CACNA1I: variants seen among roughly 807,000 people sequenced by gnomAD.
CACNA1I encodes the protein voltage-dependent T-type calcium channel subunit alpha-1I.
Under a neutral mutation model 201.6 loss-of-function variants are expected in CACNA1I, and 74 were observed. The observed-to-expected ratio is 0.37, with a 90% CI of 0.30 to 0.45. CACNA1I has a LOEUF of 0.45. Ranked by LOEUF, CACNA1I falls within the 20% of genes least tolerant of loss-of-function variation. The pLI is 1.00. For synonymous variants in CACNA1I, 1,431 were observed against 1,345.2 expected, an observed-to-expected ratio of 1.06 and a Z score of -1.40; for missense variants, 2,346 against 3,138.1, an observed-to-expected ratio of 0.75 and a Z score of 6.03.
intron 3 of CACNA1I, among the ~76,000 whole-genome samples, chr22:39,608,450 A>T (rs1204219231): frequency 6.6e-6 from 1 of 152,076 alleles, no homozygotes; most frequent in Admixed American, 6.6e-5. Context: ...AACATTTTTT[A>T]AAAAAGAATT....
At chr22:39,667,787 T>C (rs1392571115) in intron 23 of CACNA1I, among the ~76,000 whole-genome samples, 2 of 152,074 alleles carry the variant, frequency 1.3e-5, no homozygotes, top group African/African-American at 2.4e-5. Context: ...CCAAATCACA[T>C]AGCCAGTGAG....
rs186294767 is a variant in CACNA1I at position 39,585,295 on chromosome 22, T to C, written c.237-12856T>C. On this transcript the variant is annotated intron_variant, in intron 1 of 36. Transcript: ENST00000402142. Reference sequence around the variant, plus strand: ...TCAGGCTGGTCTTGAACTCCTGACCTCAGGTGATCCACCCGCCTTGGCCTC... The same window carrying C: ...TCAGGCTGGTCTTGAACTCCTGACCCCAGGTGATCCACCCGCCTTGGCCTC... Among the ~76,000 whole-genome samples, 856 of 152,068 alleles carry C rather than the reference T, an allele frequency of 5.6e-3. 5 individuals are homozygous for C. The highest frequency in any genetic ancestry group is 9.9e-3 in the Admixed American group (151 of 15,256).
Position 39,661,975 on chromosome 22 carries a change from G to C in CACNA1I, c.2912G>C (p.Arg971Pro). Residue 971 changes from arginine (R) to proline (P), a missense_variant, in exon 17 of 37, where the codon CGG becomes CCG. Transcript: ENST00000402142. ...SYDQRSLSSSRSSYYGPWGRS... is the reference protein window; with the variant it reads ...SYDQRSLSSSPSSYYGPWGRS... ...GGGAACTCCTTCCAGTCCAGCTCCCGGAGCTCCTACTACGGGCCATGGGGC... is the reference window on the plus strand; with the variant it reads ...GGGAACTCCTTCCAGTCCAGCTCCCCGAGCTCCTACTACGGGCCATGGGGC... The C allele has an allele frequency of 6.5e-7, 1 of 1,538,812 alleles. No individual in the cohort carries two copies. Among genetic ancestry groups the C allele is most frequent in the Middle Eastern group, 1.8e-4 (1 of 5,556 alleles).
chr22:39,670,698 T>G (rs2146464168), intron 25 of CACNA1I, 105 bp from the exon 26 acceptor site: 1 of 1,100,172 alleles, frequency 9.1e-7, no homozygotes, highest in South Asian at 1.4e-5. Flanking sequence ...CATCTTCCTC[T>G]TTGCCCCCTC....
Position 39,666,189 on chromosome 22 carries a change from G to A in CACNA1I, c.4104+183G>A, listed in dbSNP as rs969577706. On this transcript the variant is annotated intron_variant, in intron 23 of 36. Transcript: ENST00000402142. The surrounding 1 kb of genome is among the most constrained non-coding windows in gnomAD (Gnocchi z 4.1). ...GCACTCACCTCTCAGGTGGGATGAG[G>A]CTTAGAGAGTCTGTGTGCAGAGTGC... Among the ~76,000 whole-genome samples, 8 of 152,182 alleles carry A rather than the reference G, an allele frequency of 5.3e-5. No individual in the cohort carries two copies. The highest frequency in any genetic ancestry group is 1.9e-4 in the African/African-American group (8 of 41,440).
chr22:39,669,063 T>C (rs1253469053), intron 24 of CACNA1I, among the ~76,000 whole-genome samples: 1 of 152,084 alleles, frequency 6.6e-6, no homozygotes, highest in Non-Finnish European at 1.5e-5. Flanking sequence ...CCTCTGGGGC[T>C]AGGCGGGGAC....
At chr22:39,662,687 G>A in intron 17 of CACNA1I, 89 bp from the exon 18 acceptor site, 5 of 972,738 alleles carry the variant, frequency 5.1e-6, no homozygotes, top group Non-Finnish European at 7.9e-6. Context: ...AGGTGACCCT[G>A]CGACCCCAGT....
At chr22:39,678,130 T>C in intron 31 of CACNA1I, 22 bp downstream of exon 31, 1 of 1,606,276 alleles carries the variant, frequency 6.2e-7, no homozygotes, top group Non-Finnish European at 8.5e-7. Context: ...CGGGCTGGGG[T>C]GGAGAAATCA....
intron 4 of CACNA1I, among the ~76,000 whole-genome samples, chr22:39,619,775 C>T (rs1293783494): frequency 3.3e-5 from 5 of 152,262 alleles, no homozygotes; most frequent in African/African-American, 9.6e-5. Context: ...AGGAGGACGT[C>T]GTAGAGCATT....
chr22:39,610,998 C>A (rs1279778146), intron 3 of CACNA1I, among the ~76,000 whole-genome samples: 5 of 152,106 alleles, frequency 3.3e-5, no homozygotes, highest in Non-Finnish European at 5.9e-5. Context: ...GAAGGCTCAC[C>A]CCTGGCAGGA....
chr22:39,647,948 T>A (rs1934540703), intron 9 of CACNA1I, 22 bp downstream of exon 9: 1 of 1,603,010 alleles, frequency 6.2e-7, no homozygotes, highest in Admixed American at 1.7e-5. Flanking sequence ...CCACGGGAGG[T>A]GGGCCCTGCC....
chr22:39,686,064 C>T lies in CACNA1I; in HGVS notation c.6331C>T (p.Arg2111Cys). The T allele has an allele frequency of 8.1e-7, 1 of 1,232,570 alleles. No individual in the cohort carries two copies. The highest frequency in any genetic ancestry group is 1.0e-6 in the Non-Finnish European group (1 of 990,986). The allele number at this position is 1,232,570 out of a possible 1,614,324, so 76.4% of individuals were successfully genotyped here. A position where few individuals can be genotyped will look rare whatever the true frequency, so the allele number is the denominator to read the frequency against. The change falls in exon 37 of 37, where the codon CGC becomes TGC. Residue 2111 changes from arginine to cysteine, a missense_variant. Physicochemically the swap from Arg to Cys is radical, Grantham distance 180. This residue lies in a region of CACNA1I where 441 missense variants were observed against 555.6 expected (regional missense o/e 0.79). Transcript: ENST00000402142. ...DSMDPSDEEG[R>C]GGAGGGGAGS... ...CATGGACCCCTCGGACGAGGAGGGC[C>T]GCGGTGGCGCGGGCGGCGGGGGCGC... is the stretch of plus-strand genomic sequence containing the variant.
intron 4 of CACNA1I, among the ~76,000 whole-genome samples, chr22:39,631,276 A>G (rs988958827): frequency 2.6e-5 from 4 of 152,086 alleles, no homozygotes; most frequent in African/African-American, 4.8e-5. Context: ...CTGGGCGCTC[A>G]CCGGGCTGGG....
intron 3 of CACNA1I, among the ~76,000 whole-genome samples, chr22:39,618,115 C>G (rs1933600837): frequency 7.0e-6 from 1 of 142,580 alleles, no homozygotes; most frequent in South Asian, 2.3e-4. Context: ...AGGTGTGTGA[C>G]TGGGTGTGTG....
Position 39,629,102 on chromosome 22 carries a change from G to A in CACNA1I, c.581-5463G>A, listed in dbSNP as rs1933979558. Among the ~76,000 whole-genome samples the A allele has an allele frequency of 6.6e-6, 1 of 152,020 alleles. No homozygotes were observed. The highest frequency in any genetic ancestry group is 1.5e-5 in the Non-Finnish European group (1 of 68,002). On this transcript the variant is annotated intron_variant, in intron 4 of 36. Coordinates refer to ENST00000402142, the MANE Select transcript of CACNA1I (RefSeq NM_021096.4). The surrounding 1 kb of genome is among the most constrained non-coding windows in gnomAD (Gnocchi z 4.8). ...CTCAAGCAGAGGCTCTAGCCTAGGGGTCCCCAAAAAGGGTGAGCAGCTCCA... is the reference window on the plus strand; with the variant it reads ...CTCAAGCAGAGGCTCTAGCCTAGGGATCCCCAAAAAGGGTGAGCAGCTCCA...
At chr22:39,641,208 G>A in intron 6 of CACNA1I, 26 bp downstream of exon 6, 4 of 1,596,216 alleles carry the variant, frequency 2.5e-6, no homozygotes, top group Non-Finnish European at 3.4e-6. Flanking sequence ...CCTGGGGCCA[G>A]CCTGGTCCTA....
In CACNA1I at chr22:39,670,857, A is replaced by G; in HGVS notation, c.4442A>G (p.His1481Arg). The G allele has an allele frequency of 1.9e-6, 3 of 1,612,622 alleles. No homozygotes were observed. The highest frequency in any genetic ancestry group is 2.5e-6 in the Non-Finnish European group (3 of 1,179,528). ...ATYCHTRLLI[H>R]SMCTSHYLDI... ...TATTGTCACACCCGGCTGCTCATCC[A>G]CTCCATGTGCACCAGCCACTACCTG... The change falls in exon 26 of 37, where the codon CAC (histidine) becomes CGC (arginine). Residue 1481 changes from histidine to arginine, a missense_variant. By Grantham distance (29) the His-to-Arg change is conservative. This residue lies in a region of CACNA1I where 228 missense variants were observed against 395.7 expected (regional missense o/e 0.58). Transcript: ENST00000402142.
chr22:39,582,034 T>G (rs132572), intron 1 of CACNA1I, among the ~76,000 whole-genome samples: 141,116 of 152,262 alleles, frequency 0.93, 65,614 homozygotes, highest in Middle Eastern at 0.96. Flanking sequence ...GAAGGCTTGT[T>G]GTGCAGAGCC....
chr22:39,643,064 C>A (rs5750864), intron 7 of CACNA1I, among the ~76,000 whole-genome samples, 175 bp downstream of exon 7: 1 of 152,180 alleles, frequency 6.6e-6, no homozygotes, highest in Non-Finnish European at 1.5e-5. Context: ...ATTGAAGGGG[C>A]TCATCAGGGG....
Sources: allele counts gnomAD v4.1 joint callset (sites outside exome capture counted in the v4.1 genomes callset), GRCh38; gene constraint gnomAD v4.1.1; regional missense constraint gnomAD v4.1.1; non-coding constraint Gnocchi (gnomAD v3.1); transcripts MANE v1.5; gene names NCBI Gene and HGNC (gene_info 2026-07-23, HGNC 2026-07-21).